The following AGBL1 variants were observed in gnomAD, a reference collection of about 807,000 sequenced individuals.
AGBL1 encodes cytosolic carboxypeptidase 4.
Under a neutral mutation model 118.9 loss-of-function variants are expected in AGBL1, and 130 were observed. That is an observed-to-expected ratio of 1.09 (90% CI 0.95 to 1.26). AGBL1 has a LOEUF of 1.26. Among genes scored for constraint, AGBL1 ranks in the 50% most tolerant of loss-of-function variants. The pLI is 0.00. For synonymous variants in AGBL1, 555 were observed against 478.9 expected (o/e 1.16, Z -2.08); for missense variants, 1,584 against 1,298.1 (o/e 1.22, Z -3.38).
intron 21 of AGBL1, chr15:86,556,337 G>A (rs1180224274): frequency 2.0e-6 from 3 of 1,476,034 alleles, no homozygotes; most frequent in Non-Finnish European, 2.8e-6. Context: ...TTTTGCATTG[G>A]GTCACTAGAA....
chr15:86,583,240 G>A (rs946035428), intron 21 of AGBL1, among the ~76,000 whole-genome samples: 2 of 151,808 alleles, frequency 1.3e-5, no homozygotes, highest in African/African-American at 4.8e-5. Flanking sequence ...CTGAAGTTTG[G>A]GGTACAATTC....
chr15:86,985,621 C>A (rs908164173), intron 23 of AGBL1, among the ~76,000 whole-genome samples: 2 of 55,786 alleles, frequency 3.6e-5, no homozygotes, highest in Non-Finnish European at 9.5e-5. Context: ...ATTTTTTGTT[C>A]CAATTTTTTT....
At chr15:86,343,440 T>C (rs1469113615) in intron 17 of AGBL1, among the ~76,000 whole-genome samples, 1 of 152,142 alleles carries the variant, frequency 6.6e-6, no homozygotes, top group Non-Finnish European at 1.5e-5. Flanking sequence ...CCCAGGATCC[T>C]GTACTATCCT....
chr15:86,752,270 T>A (rs1024753330), intron 22 of AGBL1, among the ~76,000 whole-genome samples: 1 of 152,104 alleles, frequency 6.6e-6, no homozygotes. Context: ...TATATTCCAA[T>A]CTTTCTGATT....
chr15:86,423,627 T>C (rs1227180945), intron 18 of AGBL1, among the ~76,000 whole-genome samples: 2 of 152,160 alleles, frequency 1.3e-5, no homozygotes, highest in African/African-American at 4.8e-5. Flanking sequence ...TGATTGTATA[T>C]ATAGAAAACC....
chr15:86,756,845 G>A (rs1455366922), intron 22 of AGBL1, among the ~76,000 whole-genome samples: 1 of 152,008 alleles, frequency 6.6e-6, no homozygotes, highest in Non-Finnish European at 1.5e-5. Flanking sequence ...ATAATTGGAA[G>A]ACACTTAAGG....
intron 17 of AGBL1, among the ~76,000 whole-genome samples, chr15:86,322,718 T>C (rs950352391): frequency 6.6e-6 from 1 of 152,166 alleles, no homozygotes; most frequent in African/African-American, 2.4e-5. Flanking sequence ...AGCAGCATGC[T>C]CAACACAAGT....
rs145148686 is a variant in AGBL1 at position 86,715,920 on chromosome 15, G to A, written c.3158+41484G>A. 2.8e-3 allele frequency among the ~76,000 whole-genome samples: 419 copies of A among 151,904 alleles called. 1 individual carries two copies. Among genetic ancestry groups the A allele is most frequent in the African/African-American group, 9.3e-3 (384 of 41,424 alleles). On this transcript the variant is annotated intron_variant, in intron 22 of 22. Transcript: ENST00000614907. ...AAAAAATACAAAAAATTAGTCAGGC[G>A]TGGTGGTGGGTGCCGAGTAGTCCCA...
intron 18 of AGBL1, among the ~76,000 whole-genome samples, chr15:86,457,256 T>C (rs1420125235): frequency 6.6e-6 from 1 of 152,192 alleles, no homozygotes; most frequent in Non-Finnish European, 1.5e-5. Flanking sequence ...GCATTTGGCC[T>C]GTTAGATGTG....
At chr15:86,760,380 C>T (rs147753185) in intron 22 of AGBL1, among the ~76,000 whole-genome samples, 5 of 152,154 alleles carry the variant, frequency 3.3e-5, no homozygotes, top group Admixed American at 6.6e-5. Context: ...GCTCCACACC[C>T]GCATTCTCCT....
At chr15:86,176,607 A>G (rs532843939) in intron 5 of AGBL1, among the ~76,000 whole-genome samples, 24 of 152,320 alleles carry the variant, frequency 1.6e-4, no homozygotes, top group African/African-American at 5.1e-4. Context: ...CTTGGTGGAC[A>G]TGAGGAAATA....
At chr15:86,443,424 A>G (rs1445921168) in intron 18 of AGBL1, among the ~76,000 whole-genome samples, 1 of 152,218 alleles carries the variant, frequency 6.6e-6, no homozygotes, top group Non-Finnish European at 1.5e-5. Context: ...TAGCATATCT[A>G]TCACTTCAAA....
chr15:86,158,863 C>G (rs1285649201), intron 4 of AGBL1, 70 bp from the exon 5 acceptor site: 2 of 1,372,748 alleles, frequency 1.5e-6, no homozygotes, highest in Admixed American at 3.4e-5. Context: ...TTAAAGGAGT[C>G]AATCCAAGTT....
intron 24 of AGBL1, among the ~76,000 whole-genome samples, chr15:87,026,589 A>C (rs996095683): frequency 3.3e-5 from 5 of 152,072 alleles, no homozygotes; most frequent in African/African-American, 1.2e-4. Flanking sequence ...ACAGTGTGGA[A>C]ATTCCTTAAA....
intron 9 of AGBL1, among the ~76,000 whole-genome samples, chr15:86,262,420 T>C (rs2079006468): frequency 6.6e-6 from 1 of 152,082 alleles, no homozygotes; most frequent in African/African-American, 2.4e-5. Flanking sequence ...ATGTCAAAGA[T>C]AGATAAAGAG....
intron 17 of AGBL1, chr15:86,305,207 T>C (rs941781880): frequency 6.6e-6 from 1 of 152,194 alleles, no homozygotes; most frequent in African/African-American, 2.4e-5. Flanking sequence ...TAGCCAGGCA[T>C]GACCATGAGT....
At chr15:86,603,181 C>T (rs754223126) in intron 21 of AGBL1, among the ~76,000 whole-genome samples, 7 of 152,118 alleles carry the variant, frequency 4.6e-5, no homozygotes, top group Non-Finnish European at 4.4e-5. Flanking sequence ...AACATTTAGC[C>T]ATCCCCCACC....
At chr15:86,903,685 T>C (rs1294108833) in intron 22 of AGBL1, among the ~76,000 whole-genome samples, 1 of 152,154 alleles carries the variant, frequency 6.6e-6, no homozygotes, top group African/African-American at 2.4e-5. Context: ...TACTGTCAGG[T>C]GTTGGGTGGA....
intron 18 of AGBL1, among the ~76,000 whole-genome samples, chr15:86,407,787 G>A (rs557746544): frequency 3.2e-3 from 486 of 152,228 alleles, no homozygotes; most frequent in Non-Finnish European, 4.9e-3. Flanking sequence ...ATAAGCATGG[G>A]GTCTGTGGAT....
Sources: allele counts gnomAD v4.1 joint callset (sites outside exome capture counted in the v4.1 genomes callset), GRCh38; gene constraint gnomAD v4.1.1; transcripts MANE v1.5; gene names NCBI Gene and HGNC (gene_info 2026-07-23, HGNC 2026-07-21).